Variants in DMD observed in about 807,000 individuals in gnomAD.
DMD encodes mutant dystrophin.
DMD carries 63 observed loss-of-function variants against 330.1 expected under a neutral mutation model. The observed-to-expected ratio is 0.19, with a 90% CI of 0.16 to 0.24. DMD has a LOEUF of 0.24. DMD is among the 10% of genes least tolerant of loss of function. The pLI, the probability that DMD is intolerant of heterozygous loss-of-function variation, is 1.00. For synonymous variants in DMD, 1,223 were observed against 959.8 expected, an observed-to-expected ratio of 1.27 and a Z score of -5.07; for missense variants, 3,344 against 2,684.1, an observed-to-expected ratio of 1.25 and a Z score of -5.43.
intron 30 of DMD, among the ~76,000 whole-genome samples, chrX:32,402,703 G>A (rs1254292357): frequency 9.0e-6 from 1 of 111,566 alleles, no homozygotes; most frequent in Non-Finnish European, 1.9e-5. Context: ...TTCATGTGAA[G>A]AGTTCCATTT....
chrX:31,492,931 G>A (rs955139312), intron 57 of DMD, among the ~76,000 whole-genome samples: 1 of 110,723 alleles, frequency 9.0e-6, no homozygotes, highest in African/African-American at 3.3e-5. Flanking sequence ...TGTAGATGAC[G>A]GGTTGATGGG....
chrX:31,190,539 A>T (rs928660405), intron 67 of DMD, among the ~76,000 whole-genome samples: 37 of 91,847 alleles, frequency 4.0e-4, no homozygotes, highest in African/African-American at 1.4e-3. Context: ...ACAAAAAGTG[A>T]TTTCATCCTG....
At chrX:32,966,321 C>T (rs2092151994) in intron 2 of DMD, among the ~76,000 whole-genome samples, 1 of 111,396 alleles carries the variant, frequency 9.0e-6, no homozygotes, top group Non-Finnish European at 1.9e-5. Flanking sequence ...AATCATCTTG[C>T]AGATACAGAC....
At chrX:31,773,884 G>A in intron 51 of DMD, 76 bp downstream of exon 51, 1 of 916,977 alleles carries the variant, frequency 1.1e-6, no homozygotes, top group Non-Finnish European at 1.6e-6. Context: ...AAATGGTCTA[G>A]GAGAGTAAAG....
At chrX:32,164,802 C>T (rs889635658) in intron 44 of DMD, among the ~76,000 whole-genome samples, 4 of 109,327 alleles carry the variant, frequency 3.7e-5, no homozygotes, top group African/African-American at 1.0e-4. Context: ...GGTCCCCCCC[C>T]CAACCCCACC....
chrX:32,240,933 T>C (rs1251635586), intron 43 of DMD, among the ~76,000 whole-genome samples: 1 of 111,582 alleles, frequency 9.0e-6, no homozygotes, highest in African/African-American at 3.3e-5. Context: ...CTCTCGGGAA[T>C]ATATGGCCTT....
rs553506950 is a variant in DMD, at chrX:32,730,054, C to A, written c.650-30761G>T. Among the ~76,000 whole-genome samples the A allele has an allele frequency of 2.7e-5, 3 of 111,975 alleles. No homozygotes were observed. In the East Asian group the frequency reaches 8.5e-4, roughly 32 times the overall value. On this transcript the variant is annotated intron_variant, in intron 7 of 78. Coordinates refer to ENST00000357033, the MANE Select transcript of DMD (RefSeq NM_004006.3). ...CCCACTGTTAAAATGTAACGTGGGC[C>A]AGGCACAATGGTTCACATTCCTAAT...
intron 52 of DMD, among the ~76,000 whole-genome samples, chrX:31,700,093 G>C (rs1309293971): frequency 9.1e-6 from 1 of 109,422 alleles, no homozygotes; most frequent in Non-Finnish European, 1.9e-5. Context: ...GGCTGAGGCA[G>C]GAGAATCGCT....
intron 44 of DMD, among the ~76,000 whole-genome samples, chrX:32,017,282 T>C (rs996512640): frequency 4.5e-5 from 5 of 112,050 alleles, no homozygotes; most frequent in African/African-American, 1.3e-4. Flanking sequence ...GGATTAAATA[T>C]CACATTGCCT....
At chrX:32,049,072 G>A (rs749408729) in intron 44 of DMD, among the ~76,000 whole-genome samples, 1 of 111,395 alleles carries the variant, frequency 9.0e-6, no homozygotes, top group Non-Finnish European at 1.9e-5. Flanking sequence ...TCAGTTCTTG[G>A]AACACAGAGT....
intron 7 of DMD, among the ~76,000 whole-genome samples, chrX:32,771,503 T>C (rs1323938143): frequency 1.9e-5 from 2 of 105,782 alleles, no homozygotes; most frequent in Non-Finnish European, 3.9e-5. Flanking sequence ...ATTTTGTTAA[T>C]ACACACACAC....
At chrX:32,164,203 A>G (rs1009168061) in intron 44 of DMD, among the ~76,000 whole-genome samples, 2 of 111,770 alleles carry the variant, frequency 1.8e-5, no homozygotes, top group African/African-American at 6.5e-5. Flanking sequence ...AGGTACTGCT[A>G]TAAAGATACT....
intron 1 of DMD, among the ~76,000 whole-genome samples, chrX:33,323,815 C>T (rs2054049258): frequency 9.0e-6 from 1 of 111,588 alleles, no homozygotes; most frequent in Non-Finnish European, 1.9e-5. Context: ...CAAGCAATTG[C>T]ACATGGTGTG....
intron 16 of DMD, among the ~76,000 whole-genome samples, chrX:32,553,600 G>T (rs904315989): frequency 6.3e-5 from 7 of 111,882 alleles, no homozygotes; most frequent in African/African-American, 1.9e-4. Context: ...AATATTATGA[G>T]ACCACTGTCA....
At chrX:32,204,692 C>T (rs774272324) in intron 44 of DMD, among the ~76,000 whole-genome samples, 1 of 110,336 alleles carries the variant, frequency 9.1e-6, no homozygotes, top group Non-Finnish European at 1.9e-5. Context: ...ACTTACGGTT[C>T]TGCAGGCTGT....
chrX:32,317,797 A>G (rs2097588605), intron 41 of DMD, among the ~76,000 whole-genome samples: 1 of 108,987 alleles, frequency 9.2e-6, no homozygotes, highest in Non-Finnish European at 1.9e-5. Flanking sequence ...TAACAAAAAT[A>G]GACTATTATC....
chrX:31,931,907 T>G (rs1415892069), intron 46 of DMD, among the ~76,000 whole-genome samples, 173 bp downstream of exon 46: 3 of 111,345 alleles, frequency 2.7e-5, no homozygotes, highest in Non-Finnish European at 3.8e-5. Context: ...TATGTTCTTA[T>G]GTGCACTGGT....
chrX:32,456,420 T>A (rs2098358445), intron 25 of DMD, among the ~76,000 whole-genome samples: 1 of 111,302 alleles, frequency 9.0e-6, no homozygotes, highest in Non-Finnish European at 1.9e-5. Flanking sequence ...CTATTTTTGC[T>A]ATTTTATAAA....
chrX:31,658,073 G>A lies in DMD; in HGVS notation c.7944C>T (p.Leu2648=), dbSNP rs1060504675. The A allele has an allele frequency of 8.3e-7, 1 of 1,211,668 alleles. No homozygotes were observed. The highest frequency in any genetic ancestry group is 1.1e-6 in the Non-Finnish European group (1 of 895,320). Residue 2648 remains leucine (L), a synonymous_variant, in exon 54 of 79, where the codon CTC becomes CTT. Coordinates refer to ENST00000357033, the MANE Select transcript of DMD (RefSeq NM_004006.3). ...DVANDLALKL[L]RDYSADDTRK... ...TGGTATCATCTGCAGAATAATCCCG[G>A]AGAAGTTTCAGGGCCAAGTCATTTG...
Sources: allele counts gnomAD v4.1 joint callset (sites outside exome capture counted in the v4.1 genomes callset), GRCh38; gene constraint gnomAD v4.1.1; transcripts MANE v1.5; gene names NCBI Gene and HGNC (gene_info 2026-07-23, HGNC 2026-07-21).